Variants in ZNF385B observed in about 807,000 individuals in gnomAD.
The protein encoded by ZNF385B is zinc finger protein 385B, also known as zinc finger protein 533.
In ZNF385B, 23 loss-of-function variants were observed where a neutral mutation model predicts 39.2. That is an observed-to-expected ratio of 0.59 (90% confidence interval 0.42 to 0.83). The LOEUF is 0.83. ZNF385B is among the 40% of genes least tolerant of loss of function. The probability of loss-of-function intolerance (pLI) is 0.00; values close to 1 mark genes in which losing one functional copy is unlikely to be tolerated. For synonymous variants in ZNF385B, 205 were observed against 222.6 expected (o/e 0.92, Z 0.70); for missense variants, 552 against 598.9 (o/e 0.92, Z 0.82).
chr2:179,776,381 C>T (rs1704317481), intron 1 of ZNF385B, among the ~76,000 whole-genome samples: 1 of 152,062 alleles, frequency 6.6e-6, no homozygotes, highest in South Asian at 2.1e-4. Context: ...GGTAAGCTGA[C>T]CCTTGAAATG....
chr2:179,637,392 A>C (rs759655909), intron 3 of ZNF385B: 12 of 152,134 alleles, frequency 7.9e-5, no homozygotes, highest in Non-Finnish European at 1.3e-4. Flanking sequence ...GGTCATTCTC[A>C]ATGCCAAAAC....
At chr2:179,514,661 C>T (rs1385022827) in intron 5 of ZNF385B, among the ~76,000 whole-genome samples, 1 of 151,828 alleles carries the variant, frequency 6.6e-6, no homozygotes, top group East Asian at 1.9e-4. Context: ...GTTATATTTG[C>T]ATAAGCAAGC....
intron 5 of ZNF385B, among the ~76,000 whole-genome samples, chr2:179,491,530 T>C (rs1245087301): frequency 6.6e-6 from 1 of 152,084 alleles, no homozygotes; most frequent in East Asian, 1.9e-4. Flanking sequence ...AGAAAATGAG[T>C]TCTCTGTCTA....
At chr2:179,537,645 G>A (rs1360601109) in intron 4 of ZNF385B, among the ~76,000 whole-genome samples, 1 of 152,024 alleles carries the variant, frequency 6.6e-6, no homozygotes, top group African/African-American at 2.4e-5. Flanking sequence ...GGAGGCTGAC[G>A]CAGAAGAATA....
At chr2:179,493,350 T>G (rs1418222806) in intron 5 of ZNF385B, among the ~76,000 whole-genome samples, 1 of 144,140 alleles carries the variant, frequency 6.9e-6, no homozygotes, top group Non-Finnish European at 1.5e-5. Context: ...GTATATGGCA[T>G]GTATATATAT....
intron 3 of ZNF385B, among the ~76,000 whole-genome samples, chr2:179,585,714 T>C (rs1280856304): frequency 1.3e-5 from 2 of 152,234 alleles, no homozygotes; most frequent in African/African-American, 2.4e-5. Context: ...ACTTTCCTCC[T>C]CTTCCCTCAA....
At chr2:179,642,141 T>G (rs74835119) in intron 3 of ZNF385B, among the ~76,000 whole-genome samples, 6,104 of 152,268 alleles carry the variant, frequency 0.04, 169 homozygotes, top group Middle Eastern at 0.065. Context: ...AAGATAGGTA[T>G]ACTTATAAGC....
At chr2:179,766,760 T>A (rs888223300) in intron 3 of ZNF385B, among the ~76,000 whole-genome samples, 2 of 152,182 alleles carry the variant, frequency 1.3e-5, no homozygotes, top group Non-Finnish European at 2.9e-5. Flanking sequence ...TACTGGGGGT[T>A]AGAATTCCAA....
intron 1 of ZNF385B, among the ~76,000 whole-genome samples, chr2:179,808,118 C>T (rs1308458458): frequency 5.9e-5 from 9 of 151,890 alleles, no homozygotes; most frequent in South Asian, 4.2e-4. Context: ...ATGCAAGCTC[C>T]GCCTCCCAGG....
At chr2:179,515,595 A>T (rs1029020101) in intron 5 of ZNF385B, among the ~76,000 whole-genome samples, 4 of 152,202 alleles carry the variant, frequency 2.6e-5, no homozygotes, top group Non-Finnish European at 5.9e-5. Flanking sequence ...AATTTACTTG[A>T]ATCTATTTCA....
rs751252294 is a variant in ZNF385B at position 179,640,792 on chromosome 2, C to CA, written c.299-95824dup. 3.3e-5 allele frequency among the ~76,000 whole-genome samples: 5 copies of CA among 151,776 alleles called. No homozygotes were observed. In the South Asian group the frequency reaches 6.2e-4, roughly 19 times the overall value. ...AATTGAGTAAAAAACAGAACAACAA[C>CA]AAAAAAAATCTTAAGTAACATATTT... On this transcript the variant is annotated intron_variant, in intron 3 of 9. Coordinates refer to ENST00000410066, the MANE Select transcript of ZNF385B (RefSeq NM_152520.6).
intron 6 of ZNF385B, among the ~76,000 whole-genome samples, chr2:179,453,486 G>A (rs752865785): frequency 1.3e-5 from 2 of 152,148 alleles, no homozygotes; most frequent in African/African-American, 4.8e-5. Flanking sequence ...CTGGTTGGGA[G>A]CTTCTGAATC....
chr2:179,470,650 C>T (rs548738164), intron 6 of ZNF385B, among the ~76,000 whole-genome samples: 5 of 152,294 alleles, frequency 3.3e-5, no homozygotes, highest in African/African-American at 1.2e-4. Context: ...CACTGTTTGT[C>T]TCCTGTAAAG....
At chr2:179,493,784 C>CTT (rs2055798042) in intron 5 of ZNF385B, among the ~76,000 whole-genome samples, 1 of 88,512 alleles carries the variant, frequency 1.1e-5, no homozygotes, top group Non-Finnish European at 2.4e-5. Context: ...TGTATATACA[C>CTT]ATATGTATAC....
intron 4 of ZNF385B, chr2:179,522,995 A>G: frequency 2.9e-6 from 1 of 348,892 alleles, no homozygotes; most frequent in Non-Finnish European, 6.0e-6. Context: ...AAATTTAAAG[A>G]CCCATTTTCC....
chr2:179,739,355 T>C (rs1018299495), intron 3 of ZNF385B, among the ~76,000 whole-genome samples: 2 of 152,160 alleles, frequency 1.3e-5, no homozygotes. Flanking sequence ...CCTCGGGGTT[T>C]ATCGATTATA....
At chr2:179,509,046 A>G (rs1223893130) in intron 5 of ZNF385B, among the ~76,000 whole-genome samples, 1 of 151,176 alleles carries the variant, frequency 6.6e-6, no homozygotes, top group Non-Finnish European at 1.5e-5. Context: ...TCCCAGGCTC[A>G]TGCCATTCTC....
rs183383949 is a variant in ZNF385B at position 179,497,609 on chromosome 2, T to C, written c.553-14175A>G. ...AACTCAATCATATCACCAGAGAAAA[T>C]TGACTTCACTAGAGGAACACAAAAA... On this transcript the variant is annotated intron_variant, in intron 5 of 9. Coordinates refer to ENST00000410066, the MANE Select transcript of ZNF385B (RefSeq NM_152520.6). Among the ~76,000 whole-genome samples, 390 of 145,918 alleles carry C rather than the reference T, an allele frequency of 2.7e-3. 1 individual carries two copies. The highest frequency in any genetic ancestry group is 4.0e-3 in the Non-Finnish European group (267 of 66,480).
At position 179,442,409 on chromosome 2, in the gene ZNF385B, C is replaced by G. The variant is rs181679347; in HGVS notation, c.*841G>C. 1 of 152,564 alleles carries G rather than the reference C, an allele frequency of 6.6e-6. No individual in the cohort carries two copies. Among genetic ancestry groups the G allele is most frequent in the Non-Finnish European group, 1.5e-5 (1 of 68,024 alleles). The allele number at this position is 152,564 out of a possible 1,614,324, so 9.5% of individuals were successfully genotyped here. On this transcript the variant is annotated 3_prime_UTR_variant, in exon 10 of 10. Coordinates refer to ENST00000410066, the MANE Select transcript of ZNF385B (RefSeq NM_152520.6). ...AGGAAGCTCTTTTTCTGTTTGTATACGTTTGCTTAGCAACACAAACCAGTG... is the reference window on the plus strand; with the variant it reads ...AGGAAGCTCTTTTTCTGTTTGTATAGGTTTGCTTAGCAACACAAACCAGTG...
Sources: gnomAD v4.1 joint callset for allele counts (sites outside exome capture counted in the v4.1 genomes callset) on GRCh38, gnomAD v4.1.1 for gene constraint, MANE v1.5 for transcripts, NCBI Gene and HGNC (gene_info 2026-07-23, HGNC 2026-07-21) for gene names.